The following SSB variants were observed in gnomAD, a reference collection of about 807,000 sequenced individuals.
SSB encodes the protein small RNA binding exonuclease protection factor La.
In SSB, 17 loss-of-function variants were observed where a neutral mutation model predicts 52.9. The ratio of observed to expected loss-of-function variants is 0.32; its 90% CI spans 0.22 to 0.48. SSB has a LOEUF of 0.48. Among genes scored for constraint, SSB ranks in the 20% least tolerant of loss-of-function variants. The pLI is 0.99. For missense variants in SSB, 314 were observed against 463.6 expected (o/e 0.68, Z 2.96); for synonymous variants, 111 against 152.1 (o/e 0.73, Z 1.99).
intron 8 of SSB, among the ~76,000 whole-genome samples, chr2:169,809,613 AT>A (rs1345303085): frequency 1.1e-4 from 16 of 147,938 alleles, no homozygotes; most frequent in South Asian, 6.4e-4. Context: ...TGACTATAAA[AT>A]TTTTTTTTTT....
intron 9 of SSB, 103 bp downstream of exon 9, chr2:169,810,526 A>C (rs1172283281): frequency 9.1e-7 from 1 of 1,101,742 alleles, no homozygotes. Flanking sequence ...TTATTAAATT[A>C]GTTTCTACTT....
At chr2:169,800,534 C>CAAAAA (rs59743225) in intron 1 of SSB, among the ~76,000 whole-genome samples, 27,808 of 77,400 alleles carry the variant, frequency 0.36, 5,396 homozygotes, top group Non-Finnish European at 0.44. Flanking sequence ...GACTCCGTCT[C>CAAAAA]AAAAAAAAAA....
chr2:169,807,063 A>G lies in SSB; in HGVS notation c.546A>G (p.Ile182Met). 1.2e-6 allele frequency: 2 copies of G among 1,613,518 alleles called. No individual in the cohort carries two copies. The highest frequency in any genetic ancestry group is 1.7e-6 in the Non-Finnish European group (2 of 1,179,740). ...AGTACAAAGAAACAGACCTGCTAATACTTTTCAAGTAAGTCTTTTTGCTGA... is the reference window on the plus strand; with the variant it reads ...AGTACAAAGAAACAGACCTGCTAATGCTTTTCAAGTAAGTCTTTTTGCTGA... ...GQKYKETDLL[I>M]LFKDDYFAKK... Residue 182 changes from isoleucine (I) to methionine (M), a missense_variant, in exon 6 of 12, where the codon ATA becomes ATG. By Grantham distance (10) the Ile-to-Met change is conservative. Coordinates refer to ENST00000260956, the MANE Select transcript of SSB (RefSeq NM_003142.5).
intron 7 of SSB, 125 bp from the exon 8 acceptor site, chr2:169,808,735 A>G (rs1294429830): frequency 1.9e-6 from 2 of 1,046,620 alleles, no homozygotes; most frequent in Non-Finnish European, 2.8e-6. Flanking sequence ...TGGACGATCA[A>G]AAAAACCTAA....
chr2:169,801,890 G>A (rs907416719), intron 2 of SSB, among the ~76,000 whole-genome samples: 2 of 151,674 alleles, frequency 1.3e-5, no homozygotes, highest in Non-Finnish European at 2.9e-5. Context: ...TTCAAATTTA[G>A]GTATTATGTT....
intron 8 of SSB, 46 bp from the exon 9 acceptor site, chr2:169,810,237 T>A: frequency 6.7e-7 from 1 of 1,498,514 alleles, no homozygotes; most frequent in Middle Eastern, 2.4e-4. Flanking sequence ...TTCTGGTCTG[T>A]TGTTGCTTTT....
rs567368714 is a variant in SSB at position 169,811,656 on chromosome 2, G to T, written c.1139-12G>T. 25 of 1,602,486 alleles carry T rather than the reference G, an allele frequency of 1.6e-5. No homozygotes were observed. Among genetic ancestry groups the T allele is most frequent in the African/African-American group, 1.1e-4 (8 of 73,866 alleles). On this transcript the variant is annotated splice_polypyrimidine_tract_variant and intron_variant, in intron 11 of 11. Coordinates refer to ENST00000260956, the MANE Select transcript of SSB (RefSeq NM_003142.5). ...ACGTTGAATTTAACAAAAATTAATT[G>T]TTACGTTATAGGACCTGTGAAAAGA...
intron 9 of SSB, 130 bp downstream of exon 9, chr2:169,810,553 C>T (rs746405424): frequency 1.7e-5 from 14 of 846,792 alleles, no homozygotes; most frequent in Non-Finnish European, 2.4e-5. Flanking sequence ...TTGTTATTGC[C>T]ACTAGATGTG....
At position 169,805,594 on chromosome 2, in the gene SSB, A is replaced by G; in HGVS notation, c.170+17A>G. On this transcript the variant is annotated intron_variant, in intron 3 of 11. Transcript: ENST00000260956. ...ATTCAACAGGTAACAAGCTTTTAAA[A>G]ATAATCTTTAGGTTTTCTGTTTACA... 1 of 1,612,604 alleles carries G rather than the reference A, an allele frequency of 6.2e-7. No homozygotes were observed.
Position 169,811,303 on chromosome 2 carries a change from A to G in SSB, c.1118A>G (p.His373Arg). 1 of 1,591,048 alleles carries G rather than the reference A, an allele frequency of 6.3e-7. No individual in the cohort carries two copies. Among genetic ancestry groups the G allele is most frequent in the South Asian group, 1.2e-5 (1 of 86,020 alleles). Residue 373 changes from histidine to arginine, a missense_variant, in exon 11 of 12, where the codon CAT becomes CGT. Physicochemically the swap from His to Arg is conservative, Grantham distance 29. Transcript: ENST00000260956. Reference protein sequence around the residue: ...KFASDDEHDEHDENGATGPVK... With the variant: ...KFASDDEHDERDENGATGPVK... ...GCTAGTGATGATGAACATGATGAAC[A>G]TGATGAAAATGGTGCAACTGGTAAG...
At chr2:169,800,534 CAAAAAAA>C (rs59743225) in intron 1 of SSB, among the ~76,000 whole-genome samples, 1 of 78,282 alleles carries the variant, frequency 1.3e-5, no homozygotes, top group African/African-American at 5.7e-5. Flanking sequence ...GACTCCGTCT[CAAAAAAA>C]AAAAAAAAAA....
chr2:169,803,277 G>T (rs959674010), intron 2 of SSB, among the ~76,000 whole-genome samples: 7 of 151,732 alleles, frequency 4.6e-5, no homozygotes, highest in African/African-American at 1.7e-4. Flanking sequence ...TATTTTTTGT[G>T]ATGGAGTCTC....
intron 9 of SSB, 38 bp from the exon 10 acceptor site, chr2:169,810,820 A>G: frequency 6.4e-7 from 1 of 1,556,774 alleles, no homozygotes; most frequent in Non-Finnish European, 8.6e-7. Flanking sequence ...GGGACTAAAA[A>G]CCAAGGGTAT....
intron 2 of SSB, among the ~76,000 whole-genome samples, 192 bp from the exon 3 acceptor site, chr2:169,805,282 C>A (rs1399097414): frequency 6.6e-6 from 1 of 152,156 alleles, no homozygotes; most frequent in Admixed American, 6.5e-5. Flanking sequence ...ACATCTGTTA[C>A]ACTATTTTAG....
In SSB at chr2:169,810,153, G is replaced by A. The variant is rs534215276; in HGVS notation, c.670-130G>A. ...GGAGTTTCGCTCTTGCTGCCCCGGC[G>A]GAAGAAACTACTTTAAAATAGCATT... is the stretch of plus-strand genomic sequence containing the variant. On this transcript the variant is annotated intron_variant, in intron 8 of 11. Transcript: ENST00000260956. The A allele has an allele frequency of 5.7e-4, 273 of 479,036 alleles. 1 individual carries two copies. The highest frequency in any genetic ancestry group is 4.6e-3 in the African/African-American group (230 of 49,724). The allele number at this position is 479,036 out of a possible 1,614,324, so 29.7% of individuals were successfully genotyped here. A position where few individuals can be genotyped will look rare whatever the true frequency, so the allele number is the denominator to read the frequency against.
intron 4 of SSB, 56 bp downstream of exon 4, chr2:169,805,895 C>T (rs766489453): frequency 4.4e-4 from 672 of 1,514,312 alleles, no homozygotes; most frequent in Non-Finnish European, 5.5e-4. Flanking sequence ...AAGTAAAGTA[C>T]GGAAGAATAA....
rs893996560 is a variant in SSB at position 169,810,590 on chromosome 2, A to G, written c.810+167A>G. 4.2e-6 allele frequency: 3 copies of G among 722,028 alleles called. No individual in the cohort carries two copies. In the African/African-American group the frequency reaches 5.4e-5, roughly 13 times the overall value. The allele number at this position is 722,028 out of a possible 1,614,324, so 44.7% of individuals were successfully genotyped here. On this transcript the variant is annotated intron_variant, in intron 9 of 11. Transcript: ENST00000260956. ...TGTCTGATATTTTCTGAATTATACTAAATTAGTTTCTACTTGATCATTTAC... is the reference window on the plus strand; with the variant it reads ...TGTCTGATATTTTCTGAATTATACTGAATTAGTTTCTACTTGATCATTTAC...
At chr2:169,811,354 C>G in intron 11 of SSB, 31 bp downstream of exon 11, 1 of 1,515,286 alleles carries the variant, frequency 6.6e-7, no homozygotes, top group Non-Finnish European at 8.8e-7. Flanking sequence ...TTGGTAGTTT[C>G]ATGAGAAAAT....
In SSB at chr2:169,808,541, T is replaced by G; in HGVS notation, c.614T>G (p.Leu205Ter). 1.2e-6 allele frequency: 2 copies of G among 1,611,892 alleles called. No homozygotes were observed. Among genetic ancestry groups the G allele is most frequent in the Non-Finnish European group, 1.7e-6 (2 of 1,178,220 alleles). The change falls in exon 7 of 12, where the codon TTA becomes TGA. Residue 205 changes from leucine (L) to a stop codon, truncating the protein, a stop_gained. Transcript: ENST00000260956. LOFTEE classifies it high-confidence loss of function. ...ERKQNKVEAK[L>*]RAKQEQEAKQ... Reference sequence around the variant, plus strand: ...AAACAAAATAAAGTGGAAGCTAAATTAAGAGCTAAACAGTAAGTATGTTGA... The same window carrying G: ...AAACAAAATAAAGTGGAAGCTAAATGAAGAGCTAAACAGTAAGTATGTTGA...
Sources: gnomAD v4.1 joint callset for allele counts (sites outside exome capture counted in the v4.1 genomes callset) on GRCh38, gnomAD v4.1.1 for gene constraint, MANE v1.5 for transcripts, NCBI Gene and HGNC (gene_info 2026-07-23, HGNC 2026-07-21) for gene names.